NXPH1: variants seen among roughly 807,000 people sequenced by gnomAD.
The protein encoded by NXPH1 is neurexophilin-1.
NXPH1 carries 5 observed loss-of-function variants against 23.7 expected under a neutral mutation model. The ratio of observed to expected loss-of-function variants is 0.21; its 90% CI spans 0.11 to 0.44. The LOEUF is 0.44. Ranked by LOEUF, NXPH1 falls within the 20% of genes least tolerant of loss-of-function variation. NXPH1 has a pLI of 0.99. For synonymous variants in NXPH1, 144 were observed against 122.2 expected (o/e 1.18, Z -1.18); for missense variants, 324 against 321.6 (o/e 1.01, Z -0.06).
chr7:8,749,066 A>G (rs1415254234), intron 2 of NXPH1, among the ~76,000 whole-genome samples: 2 of 152,182 alleles, frequency 1.3e-5, no homozygotes, highest in Non-Finnish European at 2.9e-5. Flanking sequence ...CCACATTCCA[A>G]GCACTTGGCT....
rs569536541 is a variant in NXPH1 at position 8,462,034 on chromosome 7, T to C, written c.54+26267T>C. ...ATGACCACACTGTTATGTATATCTA[T>C]ATATCTATATCTCTATCTCTCTGTC... is the stretch of plus-strand genomic sequence containing the variant. On this transcript the variant is annotated intron_variant, in intron 2 of 2. Transcript: ENST00000405863. 7.3e-5 allele frequency among the ~76,000 whole-genome samples: 10 copies of C among 137,404 alleles called. No homozygotes were observed. In the South Asian group the frequency reaches 2.4e-3, roughly 33 times the overall value. 90.1% of individuals were successfully genotyped at this position (137,404 alleles called of 152,430 possible).
chr7:8,591,459 C>T (rs1172225921), intron 2 of NXPH1, among the ~76,000 whole-genome samples: 2 of 152,026 alleles, frequency 1.3e-5, no homozygotes, highest in Non-Finnish European at 2.9e-5. Context: ...TATCTTTTCT[C>T]AAGCTGGGCT....
chr7:8,646,943 C>T lies in NXPH1; in HGVS notation c.55-104065C>T, dbSNP rs190411338. On this transcript the variant is annotated intron_variant, in intron 2 of 2. Transcript: ENST00000405863. ...TGGGCATGGGGAGCTGGGAGGGGTACATGGAGAGAACACAGGGGAACAGGC... is the reference window on the plus strand; with the variant it reads ...TGGGCATGGGGAGCTGGGAGGGGTATATGGAGAGAACACAGGGGAACAGGC... Among the ~76,000 whole-genome samples, 19 of 150,824 alleles carry T rather than the reference C, an allele frequency of 1.3e-4. 3 individuals carry two copies. The highest frequency in any genetic ancestry group is 4.1e-4 in the African/African-American group (17 of 40,984).
chr7:8,738,349 C>A (rs1780298299), intron 2 of NXPH1, among the ~76,000 whole-genome samples: 1 of 152,150 alleles, frequency 6.6e-6, no homozygotes, highest in African/African-American at 2.4e-5. Flanking sequence ...CTATTCCTTT[C>A]TATTAGTTTT....
chr7:8,668,263 T>G (rs556835632), intron 2 of NXPH1, among the ~76,000 whole-genome samples: 9,825 of 95,820 alleles, frequency 0.1, 827 homozygotes, highest in East Asian at 0.49. Flanking sequence ...TTTGTTTTTT[T>G]TTTTTTATTT....
At chr7:8,482,042 T>A (rs1229605493) in intron 2 of NXPH1, among the ~76,000 whole-genome samples, 1 of 152,196 alleles carries the variant, frequency 6.6e-6, no homozygotes, top group Non-Finnish European at 1.5e-5. Context: ...CTTGGGAGGC[T>A]CAGAGCATCT....
chr7:8,620,800 T>C lies in NXPH1; in HGVS notation c.55-130208T>C, dbSNP rs1240405990. 2.0e-5 allele frequency among the ~76,000 whole-genome samples: 3 copies of C among 152,232 alleles called. No individual in the cohort carries two copies. In the East Asian group the frequency reaches 5.8e-4, roughly 29 times the overall value. ...GTATTCTTTCATAAATGGTTAAAAA[T>C]TCTAATTTGTCACTTTAAAGGCCTC... On this transcript the variant is annotated intron_variant, in intron 2 of 2. Coordinates refer to ENST00000405863, the MANE Select transcript of NXPH1 (RefSeq NM_152745.3).
chr7:8,746,232 GT>G (rs60484823), intron 2 of NXPH1, among the ~76,000 whole-genome samples: 68,690 of 151,928 alleles, frequency 0.45, 15,888 homozygotes, highest in African/African-American at 0.54. Context: ...GAACCTTCCT[GT>G]TTTTTTCCAG....
intron 2 of NXPH1, among the ~76,000 whole-genome samples, chr7:8,441,096 C>A (rs1816289523): frequency 6.6e-6 from 1 of 152,142 alleles, no homozygotes; most frequent in South Asian, 2.1e-4. Context: ...TCCTCTTGGG[C>A]AACCATTGTC....
intron 2 of NXPH1, among the ~76,000 whole-genome samples, chr7:8,579,286 C>T (rs1278816887): frequency 6.6e-6 from 1 of 152,062 alleles, no homozygotes; most frequent in Admixed American, 6.5e-5. Context: ...CAAGACTTAC[C>T]TAAAATTATA....
chr7:8,461,531 C>T (rs886220478), intron 2 of NXPH1, among the ~76,000 whole-genome samples: 5 of 152,132 alleles, frequency 3.3e-5, no homozygotes, highest in African/African-American at 7.2e-5. Context: ...GTTTTGCTCA[C>T]TTTAAGAATA....
chr7:8,447,864 G>A (rs891326049), intron 2 of NXPH1, among the ~76,000 whole-genome samples: 3 of 152,178 alleles, frequency 2.0e-5, no homozygotes, highest in African/African-American at 4.8e-5. Flanking sequence ...GCAAAGCCAC[G>A]TGCCTCCAGG....
intron 2 of NXPH1, among the ~76,000 whole-genome samples, chr7:8,675,714 T>C (rs1023446770): frequency 6.6e-6 from 1 of 152,134 alleles, no homozygotes; most frequent in Non-Finnish European, 1.5e-5. Flanking sequence ...AGTATGAGTA[T>C]AGGTTATCCA....
At chr7:8,599,475 T>G (rs1041675922) in intron 2 of NXPH1, among the ~76,000 whole-genome samples, 1 of 152,156 alleles carries the variant, frequency 6.6e-6, no homozygotes, top group Non-Finnish European at 1.5e-5. Flanking sequence ...GTATTCAATT[T>G]TCTTGGCTTA....
Position 8,433,881 on chromosome 7 carries a change from G to T in NXPH1, c.-985G>T, listed in dbSNP as rs993214750. 6.6e-6 allele frequency: 1 copy of T among 152,350 alleles called. No individual in the cohort carries two copies. The highest frequency in any genetic ancestry group is 2.4e-5 in the African/African-American group (1 of 41,456). 9.4% of individuals were successfully genotyped at this position (152,350 alleles called of 1,614,324 possible). A position where few individuals can be genotyped will look rare whatever the true frequency, so the allele number is the denominator to read the frequency against. Reference sequence around the variant, plus strand: ...CCACTTGTCCCTGTGGGCCCAGCCCGCGAGAGCCTGAGAGCCGGATCTGTT... The same window carrying T: ...CCACTTGTCCCTGTGGGCCCAGCCCTCGAGAGCCTGAGAGCCGGATCTGTT... On this transcript the variant is annotated 5_prime_UTR_variant, in exon 1 of 3. Transcript: ENST00000405863. This position sits in a 1 kb window ranked among gnomAD's most constrained non-coding sequence, Gnocchi z 6.8.
intron 2 of NXPH1, among the ~76,000 whole-genome samples, chr7:8,600,706 T>C (rs1819339592): frequency 6.6e-6 from 1 of 152,204 alleles, no homozygotes; most frequent in East Asian, 1.9e-4. Context: ...TACTTATGAT[T>C]GACTTTTGGT....
intron 2 of NXPH1, among the ~76,000 whole-genome samples, chr7:8,602,058 T>G (rs915467417): frequency 6.6e-6 from 1 of 152,210 alleles, no homozygotes; most frequent in Non-Finnish European, 1.5e-5. Flanking sequence ...GGATATAGTA[T>G]ATCAGAAAAG....
intron 2 of NXPH1, among the ~76,000 whole-genome samples, chr7:8,460,693 T>A (rs1816678823): frequency 6.6e-6 from 1 of 152,244 alleles, no homozygotes; most frequent in South Asian, 2.1e-4. Context: ...CACTCCAGGC[T>A]TTTGTTTATT....
intron 2 of NXPH1, among the ~76,000 whole-genome samples, chr7:8,671,341 G>T (rs536863494): frequency 3.5e-4 from 53 of 152,238 alleles, no homozygotes; most frequent in Non-Finnish European, 6.6e-4. Context: ...GGACAGATAG[G>T]TTCCTGAGCA....
Sources: gnomAD v4.1 joint callset for allele counts (sites outside exome capture counted in the v4.1 genomes callset) on GRCh38, gnomAD v4.1.1 for gene constraint, Gnocchi (gnomAD v3.1) non-coding constraint, MANE v1.5 for transcripts, NCBI Gene and HGNC (gene_info 2026-07-23, HGNC 2026-07-21) for gene names.